MYO18B: variants seen among roughly 807,000 people sequenced by gnomAD.
MYO18B encodes the protein unconventional myosin-XVIIIb.
In MYO18B, 204 loss-of-function variants were observed where a neutral mutation model predicts 273.0. The ratio of observed to expected loss-of-function variants is 0.75; its 90% CI spans 0.67 to 0.84. MYO18B has a LOEUF of 0.84. Ranked by LOEUF, MYO18B falls within the 40% of genes least tolerant of loss-of-function variation. The probability of loss-of-function intolerance (pLI) is 0.00; values close to 1 mark genes in which losing one functional copy is unlikely to be tolerated. For missense variants in MYO18B, 3,212 were observed against 3,287.6 expected, an observed-to-expected ratio of 0.98 and a Z score of 0.56; for synonymous variants, 1,330 against 1,305.7, an observed-to-expected ratio of 1.02 and a Z score of -0.40.
intron 12 of MYO18B, among the ~76,000 whole-genome samples, chr22:25,802,708 G>A (rs2088260676): frequency 6.8e-6 from 1 of 147,084 alleles, no homozygotes; most frequent in African/African-American, 2.5e-5. Context: ...AGCTGAGATC[G>A]CGCTGCTGCA....
intron 33 of MYO18B, among the ~76,000 whole-genome samples, chr22:25,918,484 C>G (rs1211269989): frequency 2.0e-5 from 3 of 152,192 alleles, no homozygotes; most frequent in Non-Finnish European, 2.9e-5. Flanking sequence ...CGCAGAATGA[C>G]ATTTATTTCC....
intron 34 of MYO18B, among the ~76,000 whole-genome samples, chr22:25,942,016 A>G (rs2092650263): frequency 6.6e-6 from 1 of 152,216 alleles, no homozygotes; most frequent in African/African-American, 2.4e-5. Context: ...GCTCACAACG[A>G]CAATTGTTAC....
chr22:25,879,305 A>C (rs1188187178), intron 25 of MYO18B, among the ~76,000 whole-genome samples: 1 of 120,830 alleles, frequency 8.3e-6, no homozygotes, highest in Non-Finnish European at 1.7e-5. Flanking sequence ...CTGATCCTTA[A>C]ACTAGAAAAT....
At chr22:25,810,522 C>T (rs1738157335) in intron 12 of MYO18B, among the ~76,000 whole-genome samples, 1 of 150,308 alleles carries the variant, frequency 6.7e-6, no homozygotes, top group South Asian at 2.1e-4. Flanking sequence ...CGACCTCTGC[C>T]TCCCAGTTTC....
intron 39 of MYO18B, among the ~76,000 whole-genome samples, chr22:25,981,593 A>G (rs1437047798): frequency 6.6e-6 from 1 of 152,162 alleles, no homozygotes; most frequent in Non-Finnish European, 1.5e-5. Flanking sequence ...AAAAATAAAA[A>G]AATTAGCCTG....
rs189803144 is a variant in MYO18B at position 25,932,557 on chromosome 22, C to G, written c.5517+11148C>G. On this transcript the variant is annotated intron_variant, in intron 34 of 43. Transcript: ENST00000335473. Reference sequence around the variant, plus strand: ...CCAAGTAGCTGGGATTATAGGCATGCGTCACCATGCCCGGCTAATTTTTTG... The same window carrying G: ...CCAAGTAGCTGGGATTATAGGCATGGGTCACCATGCCCGGCTAATTTTTTG... Among the ~76,000 whole-genome samples the G allele has an allele frequency of 5.8e-4, 88 of 151,952 alleles. No individual in the cohort carries two copies. In the South Asian group the frequency reaches 0.018, roughly 31 times the overall value.
At chr22:25,851,120 A>G (rs1036509798) in intron 20 of MYO18B, among the ~76,000 whole-genome samples, 3 of 152,164 alleles carry the variant, frequency 2.0e-5, no homozygotes, top group Non-Finnish European at 4.4e-5. Flanking sequence ...GGGAAACTCA[A>G]GGCTTATCAG....
At chr22:25,902,549 C>T in intron 29 of MYO18B, 64 bp from the exon 30 acceptor site, 1 of 1,547,130 alleles carries the variant, frequency 6.5e-7, no homozygotes, top group South Asian at 1.2e-5. Context: ...CTCCCTGCCC[C>T]TGCCTCAATC....
At chr22:25,855,471 G>A (rs1023190326) in intron 21 of MYO18B, among the ~76,000 whole-genome samples, 2 of 152,064 alleles carry the variant, frequency 1.3e-5, no homozygotes, top group African/African-American at 2.4e-5. Context: ...TTTTAGTAGA[G>A]ACGGGGTTTC....
chr22:25,817,219 TC>T (rs2089056410), intron 12 of MYO18B, among the ~76,000 whole-genome samples: 1 of 152,132 alleles, frequency 6.6e-6, no homozygotes, highest in African/African-American at 2.4e-5. Context: ...TTTCTTTCTT[TC>T]TTTCGTTCTT....
intron 12 of MYO18B, among the ~76,000 whole-genome samples, chr22:25,801,932 C>T (rs888321376): frequency 6.6e-6 from 1 of 152,200 alleles, no homozygotes; most frequent in Non-Finnish European, 1.5e-5. Context: ...TCTGGGACCA[C>T]ACCTCCTACC....
At chr22:25,995,201 C>T (rs1155189) in intron 40 of MYO18B, among the ~76,000 whole-genome samples, 93,892 of 152,080 alleles carry the variant, frequency 0.62, 30,718 homozygotes, top group African/African-American at 0.81. Flanking sequence ...AGAGAAACAT[C>T]GCATATTCTC....
At chr22:26,043,274 A>G in the MYO18B span, among the ~76,000 whole-genome samples, 1 of 152,174 alleles carries the variant, frequency 6.6e-6, no homozygotes, top group Non-Finnish European at 1.5e-5. Flanking sequence ...CATTGTCCAA[A>G]TATACCACAG....
At chr22:25,857,795 A>G (rs6004802) in intron 21 of MYO18B, among the ~76,000 whole-genome samples, 3,184 of 152,308 alleles carry the variant, frequency 0.021, 85 homozygotes, top group East Asian at 0.11. Context: ...CTGGGACTAC[A>G]GGCATGCGCC....
chr22:26,040,750 G>A, the MYO18B span, among the ~76,000 whole-genome samples: 35,126 of 152,084 alleles, frequency 0.23, 5,164 homozygotes, highest in African/African-American at 0.42. Flanking sequence ...AGGAGCATGA[G>A]TGGCGGGTTT....
chr22:25,895,247 G>A lies in MYO18B; in HGVS notation c.4635G>A (p.Ser1545=), dbSNP rs374479720. ...AGCAATGCGAGGAGAGGCTGGACTC[G>A]GAGCTGACAGCCAGGAAAGAGCTGG... is the stretch of plus-strand genomic sequence containing the variant. ...RLQQCEERLD[S]ELTARKELEQ... Residue 1545 remains serine (S), a synonymous_variant, in exon 28 of 44, where the codon TCG becomes TCA. Coordinates refer to ENST00000335473, the MANE Select transcript of MYO18B (RefSeq NM_032608.7). The A allele has an allele frequency of 6.2e-6, 10 of 1,605,532 alleles. No homozygotes were observed. In the Admixed American group the frequency reaches 8.5e-5, roughly 14 times the overall value.
At chr22:25,865,192 A>G (rs746933043) in intron 21 of MYO18B, among the ~76,000 whole-genome samples, 7 of 152,194 alleles carry the variant, frequency 4.6e-5, no homozygotes, top group Non-Finnish European at 1.0e-4. Flanking sequence ...GAATATTCTC[A>G]CCACTTTGCA....
At chr22:26,033,221 T>C (rs1936705196), downstream of MYO18B, among the ~76,000 whole-genome samples, 1 of 152,156 alleles carries the variant, frequency 6.6e-6, no homozygotes, top group South Asian at 2.1e-4. Context: ...GTAATATTAT[T>C]TATTCAGTCC....
intron 17 of MYO18B, among the ~76,000 whole-genome samples, chr22:25,843,496 A>G (rs1252747219): frequency 2.0e-5 from 3 of 152,246 alleles, no homozygotes; most frequent in Admixed American, 6.5e-5. Context: ...GATCGAGTGT[A>G]CGGATGATGT....
Sources: allele counts gnomAD v4.1 joint callset (sites outside exome capture counted in the v4.1 genomes callset), GRCh38; gene constraint gnomAD v4.1.1; transcripts MANE v1.5; gene names NCBI Gene and HGNC (gene_info 2026-07-23, HGNC 2026-07-21).